Variants in TMEM39A observed in about 807,000 individuals in gnomAD.
TMEM39A encodes the protein suppressor of SQST-1 aggregates in rpl-43 mutants.
TMEM39A carries 19 observed loss-of-function variants against 51.9 expected under a neutral mutation model. The ratio of observed to expected loss-of-function variants is 0.37; its 90% confidence interval spans 0.26 to 0.54. The LOEUF (loss-of-function observed/expected upper bound fraction) is 0.54. TMEM39A is among the 20% of genes least tolerant of loss of function. The pLI, the probability that TMEM39A is intolerant of heterozygous loss-of-function variation, is 0.88. For synonymous variants in TMEM39A, 197 were observed against 220.2 expected (o/e 0.89, Z 0.93); for missense variants, 433 against 590.5 (o/e 0.73, Z 2.76).
chr3:119,458,561 C>A (rs2081296298), intron 2 of TMEM39A, among the ~76,000 whole-genome samples: 1 of 152,162 alleles, frequency 6.6e-6, no homozygotes, highest in African/African-American at 2.4e-5. Flanking sequence ...TCATGGCCCA[C>A]TCAGTTAGCT....
chr3:119,436,111 T>C lies in TMEM39A; in HGVS notation c.1112+680A>G, dbSNP rs2080964540. 3.3e-5 allele frequency among the ~76,000 whole-genome samples: 5 copies of C among 152,254 alleles called. No individual in the cohort carries two copies. In the South Asian group the frequency reaches 1.0e-3, roughly 32 times the overall value. On this transcript the variant is annotated intron_variant, in intron 7 of 8. Coordinates refer to ENST00000319172, the MANE Select transcript of TMEM39A (RefSeq NM_018266.3). Reference sequence around the variant, plus strand: ...ATGGTTTGGGTCTGAAAGAAAAGTATGATGAAGGACTCAGAAGTGACAGAA... The same window carrying C: ...ATGGTTTGGGTCTGAAAGAAAAGTACGATGAAGGACTCAGAAGTGACAGAA...
chr3:119,450,033 G>C (rs982745837), intron 4 of TMEM39A, among the ~76,000 whole-genome samples: 2 of 152,126 alleles, frequency 1.3e-5, no homozygotes, highest in Admixed American at 1.3e-4. Context: ...ATATTTTAAT[G>C]GAAGGAAGGA....
chr3:119,455,614 G>A (rs1218912786), intron 3 of TMEM39A, among the ~76,000 whole-genome samples: 1 of 152,184 alleles, frequency 6.6e-6, no homozygotes, highest in African/African-American at 2.4e-5. Context: ...CATTTTTGGT[G>A]GTAAGGGTCA....
At chr3:119,437,059 C>A in intron 6 of TMEM39A, 81 bp from the exon 7 acceptor site, 1 of 1,315,776 alleles carries the variant, frequency 7.6e-7, no homozygotes, top group South Asian at 1.4e-5. Flanking sequence ...ATATGCCCTG[C>A]AGACAAATGC....
chr3:119,431,927 T>C lies in TMEM39A; in HGVS notation c.*54A>G, dbSNP rs992120661. On this transcript the variant is annotated 3_prime_UTR_variant, in exon 9 of 9. Transcript: ENST00000319172. The stretch of plus-strand genomic sequence containing the variant: ...ATTTATAAAAATCACAAGAAAAAAA[T>C]AGAACGTATGAAAATATTTTTATCT... The C allele has an allele frequency of 1.4e-5, 17 of 1,184,416 alleles. No individual in the cohort carries two copies. The highest frequency in any genetic ancestry group is 3.1e-5 in the African/African-American group (2 of 63,764). 73.4% of individuals were successfully genotyped at this position (1,184,416 alleles called of 1,614,324 possible).
In TMEM39A at chr3:119,458,166, T is replaced by C; in HGVS notation, c.188A>G (p.Gln63Arg). ...LITPGPVRHC[Q>R]IPDLPVDGSL... The stretch of plus-strand genomic sequence containing the variant: ...CCCATCCACAGGCAAGTCAGGAATT[T>C]GGCAATGACGAACAGGACCTGGGGT... Residue 63 changes from glutamine to arginine, a missense_variant, in exon 3 of 9, where the codon CAA (glutamine) becomes CGA (arginine). Transcript: ENST00000319172. 1 of 1,614,190 alleles carries C rather than the reference T, an allele frequency of 6.2e-7. No individual in the cohort carries two copies. Among genetic ancestry groups the C allele is most frequent in the Non-Finnish European group, 8.5e-7 (1 of 1,180,020 alleles).
chr3:119,455,739 C>T (rs1186837205), intron 3 of TMEM39A, among the ~76,000 whole-genome samples: 1 of 152,164 alleles, frequency 6.6e-6, no homozygotes, highest in Non-Finnish European at 1.5e-5. Flanking sequence ...TTCTAAAGAA[C>T]TATAGTCAGA....
chr3:119,449,216 T>C (rs533579816), intron 4 of TMEM39A, among the ~76,000 whole-genome samples: 1 of 152,124 alleles, frequency 6.6e-6, no homozygotes, highest in Admixed American at 6.5e-5. Flanking sequence ...TTCTCAAATA[T>C]AGTAAAATAA....
At position 119,462,893 on chromosome 3, in the gene TMEM39A, GAAA is replaced by G. The variant is rs34748121; in HGVS notation, c.-75+440_-75+442del. On this transcript the variant is annotated intron_variant, in intron 1 of 8. Coordinates refer to ENST00000319172, the MANE Select transcript of TMEM39A (RefSeq NM_018266.3). ...AAGTAAAAGATAAAGATCCTCACTG[GAAA>G]AAAAAAAAAAAGCTCTTTTCATCAT... 2.6e-3 allele frequency among the ~76,000 whole-genome samples: 375 copies of G among 142,412 alleles called. 1 individual carries two copies. The highest frequency in any genetic ancestry group is 8.2e-3 in the African/African-American group (316 of 38,702). 93.4% of individuals were successfully genotyped at this position (142,412 alleles called of 152,430 possible).
At chr3:119,441,896 T>C (rs2081058101) in intron 5 of TMEM39A, among the ~76,000 whole-genome samples, 1 of 152,194 alleles carries the variant, frequency 6.6e-6, no homozygotes, top group Admixed American at 6.5e-5. Context: ...ATTCCAAAAA[T>C]CCTACCATCC....
At chr3:119,435,087 G>A in intron 7 of TMEM39A, 13 of 980,306 alleles carry the variant, frequency 1.3e-5, no homozygotes, top group Non-Finnish European at 1.6e-5. Context: ...ATAGTAAACA[G>A]AGGTTGCAAA....
intron 5 of TMEM39A, among the ~76,000 whole-genome samples, chr3:119,445,453 C>T (rs1004672981): frequency 6.6e-6 from 1 of 152,064 alleles, no homozygotes; most frequent in Non-Finnish European, 1.5e-5. Flanking sequence ...TTAGTAGAGA[C>T]GGGGTTTCGC....
chr3:119,435,588 A>T, intron 7 of TMEM39A: 1 of 983,562 alleles, frequency 1.0e-6, no homozygotes. Context: ...AAAAAAAAAA[A>T]AAAAAATCTA....
intron 2 of TMEM39A, among the ~76,000 whole-genome samples, chr3:119,459,556 A>T (rs907447760): frequency 1.3e-5 from 2 of 152,252 alleles, no homozygotes; most frequent in South Asian, 4.1e-4. Context: ...GGAACTCTCT[A>T]AGAAATCCAG....
intron 5 of TMEM39A, among the ~76,000 whole-genome samples, chr3:119,441,518 C>T (rs188659348): frequency 6.6e-6 from 1 of 152,302 alleles, no homozygotes; most frequent in Admixed American, 6.5e-5. Flanking sequence ...GTCTATGAAC[C>T]TCCAGAGAGG....
chr3:119,443,475 A>G (rs2107670533), intron 5 of TMEM39A, among the ~76,000 whole-genome samples: 1 of 152,336 alleles, frequency 6.6e-6, no homozygotes, highest in African/African-American at 2.4e-5. Context: ...GTCAGCAGCC[A>G]TCAACATTGA....
intron 3 of TMEM39A, among the ~76,000 whole-genome samples, chr3:119,455,280 G>C (rs1406831352): frequency 6.6e-6 from 1 of 152,172 alleles, no homozygotes; most frequent in Non-Finnish European, 1.5e-5. Context: ...ATCTATCTTT[G>C]AACAACTCAC....
At chr3:119,449,648 C>T (rs1358869512) in intron 4 of TMEM39A, among the ~76,000 whole-genome samples, 3 of 151,674 alleles carry the variant, frequency 2.0e-5, no homozygotes, top group African/African-American at 7.3e-5. Context: ...AAAAAGTGGT[C>T]TTCAATAATG....
chr3:119,436,164 G>C (rs1577047971), intron 7 of TMEM39A, among the ~76,000 whole-genome samples: 1 of 152,306 alleles, frequency 6.6e-6, no homozygotes, highest in Non-Finnish European at 1.5e-5. Flanking sequence ...TAGCCATTTT[G>C]GATCATAGGA....
Sources: gnomAD v4.1 joint callset for allele counts (sites outside exome capture counted in the v4.1 genomes callset) on GRCh38, gnomAD v4.1.1 for gene constraint, MANE v1.5 for transcripts, NCBI Gene and HGNC (gene_info 2026-07-23, HGNC 2026-07-21) for gene names.